The following SEMA3A variants were observed in gnomAD, a reference collection of about 807,000 sequenced individuals.
SEMA3A encodes semaphorin-3A.
A neutral mutation model predicts 97.9 loss-of-function variants in SEMA3A; 29 were observed. That is an observed-to-expected ratio of 0.30 (90% CI 0.22 to 0.40). The LOEUF (loss-of-function observed/expected upper bound fraction) is 0.40. SEMA3A is among the 10% of genes least tolerant of loss of function. SEMA3A has a pLI of 1.00. For missense variants in SEMA3A, 763 were observed against 951.3 expected (o/e 0.80, Z 2.60); for synonymous variants, 321 against 323.7 (o/e 0.99, Z 0.09).
chr7:84,024,277 C>T (rs887519416), intron 6 of SEMA3A, among the ~76,000 whole-genome samples: 3 of 152,094 alleles, frequency 2.0e-5, no homozygotes, highest in Non-Finnish European at 4.4e-5. Flanking sequence ...CGGTGGCTCA[C>T]GCCTGTAATC....
At chr7:84,460,444 T>C (rs1370079282) in intron 1 of SEMA3A, among the ~76,000 whole-genome samples, 2 of 152,080 alleles carry the variant, frequency 1.3e-5, no homozygotes, top group South Asian at 4.1e-4. Flanking sequence ...ATATTAATAA[T>C]CATTTTAGAT....
intron 6 of SEMA3A, among the ~76,000 whole-genome samples, chr7:84,028,337 G>A (rs1791620248): frequency 6.6e-6 from 1 of 152,010 alleles, no homozygotes; most frequent in South Asian, 2.1e-4. Context: ...GAGGACTAAG[G>A]CAAAACTAAG....
rs111329766 is a variant in SEMA3A at position 84,421,845 on chromosome 7, C to T, written c.-245-49945G>A. Among the ~76,000 whole-genome samples the T allele has an allele frequency of 6.4e-3, 968 of 152,076 alleles. 14 individuals are homozygous for T. The highest frequency in any genetic ancestry group is 0.022 in the African/African-American group (915 of 41,484). On this transcript the variant is annotated intron_variant, in intron 1 of 3. Coordinates refer to the SEMA3A transcript ENST00000424555. ...TACTGATTTGCATATGTTGAACCAG[C>T]CTTGCATCCCAGGGATGAAGCTGAC... is the stretch of plus-strand genomic sequence containing the variant.
chr7:84,280,598 A>G (rs997257538), intron 3 of SEMA3A, among the ~76,000 whole-genome samples: 5 of 152,008 alleles, frequency 3.3e-5, no homozygotes, highest in African/African-American at 1.2e-4. Flanking sequence ...AGCCTGGCCA[A>G]CATGGTGAAA....
intron 12 of SEMA3A, among the ~76,000 whole-genome samples, chr7:83,990,833 T>C (rs1265635509): frequency 3.4e-5 from 5 of 144,966 alleles, no homozygotes; most frequent in African/African-American, 5.1e-5. Flanking sequence ...AACTTTAAAG[T>C]AGTTTTTTCC....
chr7:83,959,982 AAT>A lies in SEMA3A; in HGVS notation c.*1387_*1388del, dbSNP rs2116239730. On this transcript the variant is annotated 3_prime_UTR_variant, in exon 17 of 17. Transcript: ENST00000265362. ...TTTAAATGTGGGTTGCATCCTGGAA[AAT>A]ACTTTGTAGAAAAGTCCCTCCCATT... 1 of 152,180 alleles carries A rather than the reference AAT, an allele frequency of 6.6e-6. No homozygotes were observed. The highest frequency in any genetic ancestry group is 1.9e-4 in the East Asian group (1 of 5,182). The allele number at this position is 152,180 out of a possible 1,614,324, so 9.4% of individuals were successfully genotyped here.
chr7:84,260,006 T>C (rs1005066368), intron 3 of SEMA3A, among the ~76,000 whole-genome samples: 14 of 152,084 alleles, frequency 9.2e-5, no homozygotes, highest in African/African-American at 2.9e-4. Context: ...CTGCCTACAG[T>C]TGTTTTCAAA....
intron 4 of SEMA3A, among the ~76,000 whole-genome samples, chr7:84,085,664 A>G (rs1794312882): frequency 6.6e-6 from 1 of 152,210 alleles, no homozygotes; most frequent in Non-Finnish European, 1.5e-5. Context: ...TATTTATATA[A>G]TAAAATTAAT....
chr7:84,054,395 G>A (rs1420447699), intron 5 of SEMA3A, among the ~76,000 whole-genome samples: 4 of 151,966 alleles, frequency 2.6e-5, no homozygotes, highest in Admixed American at 2.0e-4. Context: ...CATATTTCTT[G>A]GAGGCTTTGC....
chr7:84,403,049 G>A (rs1803952345), intron 1 of SEMA3A, among the ~76,000 whole-genome samples: 2 of 152,268 alleles, frequency 1.3e-5, no homozygotes, highest in African/African-American at 4.8e-5. Flanking sequence ...GAGAGTGGGT[G>A]CAGGACAGTG....
intron 6 of SEMA3A, among the ~76,000 whole-genome samples, chr7:84,035,314 T>C (rs1007391135): frequency 1.3e-5 from 2 of 151,898 alleles, no homozygotes; most frequent in Non-Finnish European, 2.9e-5. Context: ...ACCAAAGAAA[T>C]TGGGAAATGA....
intron 1 of SEMA3A, among the ~76,000 whole-genome samples, chr7:84,424,487 G>GCTATATA (rs1804692071): frequency 1.3e-5 from 1 of 77,194 alleles, no homozygotes; most frequent in East Asian, 5.7e-4. Context: ...ATAATATATT[G>GCTATATA]ATATATAATA....
intron 4 of SEMA3A, among the ~76,000 whole-genome samples, chr7:84,061,084 C>T (rs550180751): frequency 3.9e-5 from 6 of 152,240 alleles, no homozygotes; most frequent in South Asian, 2.1e-4. Flanking sequence ...TTGGTGGCTA[C>T]GTGCTTCTTG....
At chr7:84,363,393 G>C (rs2116073334) in intron 2 of SEMA3A, among the ~76,000 whole-genome samples, 1 of 151,882 alleles carries the variant, frequency 6.6e-6, no homozygotes, top group East Asian at 1.9e-4. Flanking sequence ...ATATACCCAG[G>C]TGCCTTTGCC....
At chr7:84,456,091 A>C (rs921504875) in intron 1 of SEMA3A, among the ~76,000 whole-genome samples, 1 of 152,036 alleles carries the variant, frequency 6.6e-6, no homozygotes, top group African/African-American at 2.4e-5. Context: ...GAGATGACTA[A>C]AAGTAAGGAT....
At chr7:84,372,004 C>A (rs1030272661) in intron 1 of SEMA3A, 1 of 152,012 alleles carries the variant, frequency 6.6e-6, no homozygotes, top group Non-Finnish European at 1.5e-5. Flanking sequence ...CACTTCTGTC[C>A]TATTGCCAGC....
At chr7:84,479,786 C>T (rs763798541) in intron 1 of SEMA3A, among the ~76,000 whole-genome samples, 16 of 152,084 alleles carry the variant, frequency 1.1e-4, no homozygotes, top group Admixed American at 5.2e-4. Flanking sequence ...AAGATGACTT[C>T]AACAATTTAA....
chr7:84,124,966 C>A (rs1000374522), intron 3 of SEMA3A, among the ~76,000 whole-genome samples: 5 of 151,706 alleles, frequency 3.3e-5, no homozygotes, highest in Admixed American at 6.6e-5. Flanking sequence ...ATTAAAGGAT[C>A]TATAAGGGTT....
chr7:84,121,362 C>A (rs573643928), intron 3 of SEMA3A, among the ~76,000 whole-genome samples: 1 of 150,512 alleles, frequency 6.6e-6, no homozygotes, highest in Non-Finnish European at 1.5e-5. Context: ...CCTCCCCACT[C>A]CCCCCACCCC....
Sources: gnomAD v4.1 joint callset for allele counts (sites outside exome capture counted in the v4.1 genomes callset) on GRCh38, gnomAD v4.1.1 for gene constraint, MANE v1.5 for transcripts, NCBI Gene and HGNC (gene_info 2026-07-23, HGNC 2026-07-21) for gene names.